PRKAG2: variants seen among roughly 807,000 people sequenced by gnomAD.
The protein encoded by PRKAG2 is 5'-AMP-activated protein kinase subunit gamma-2.
Under a neutral mutation model 69.6 loss-of-function variants are expected in PRKAG2, and 26 were observed. The observed-to-expected ratio is 0.37, with a 90% CI of 0.27 to 0.52. PRKAG2 has a LOEUF of 0.52. Ranked by LOEUF, PRKAG2 falls within the 20% of genes least tolerant of loss-of-function variation. The pLI, the probability that PRKAG2 is intolerant of heterozygous loss-of-function variation, is 0.90. For missense variants in PRKAG2, 557 were observed against 740.0 expected (o/e 0.75, Z 2.87); for synonymous variants, 293 against 285.0 (o/e 1.03, Z -0.28).
At chr7:151,773,062 G>GGAGGGAGA (rs2076145636) in intron 3 of PRKAG2, among the ~76,000 whole-genome samples, 1 of 49,592 alleles carries the variant, frequency 2.0e-5, no homozygotes, top group Non-Finnish European at 3.9e-5. Context: ...AGGGAGGGAG[G>GGAGGGAGA]GAGGGAGGGA....
At chr7:151,775,846 C>T (rs183757528) in intron 3 of PRKAG2, among the ~76,000 whole-genome samples, 24 of 152,238 alleles carry the variant, frequency 1.6e-4, no homozygotes, top group East Asian at 3.9e-4. Flanking sequence ...CCAGATGGGC[C>T]GATGGCATTA....
chr7:151,723,089 C>G (rs956530330), intron 3 of PRKAG2, among the ~76,000 whole-genome samples: 4 of 152,308 alleles, frequency 2.6e-5, no homozygotes, highest in African/African-American at 9.6e-5. Flanking sequence ...TCCACAGCCC[C>G]GGCTCTGAGA....
intron 1 of PRKAG2, among the ~76,000 whole-genome samples, chr7:151,863,522 A>G (rs1346048738): frequency 3.3e-5 from 5 of 152,064 alleles, no homozygotes; most frequent in Admixed American, 1.3e-4. Context: ...TTCACCACTG[A>G]GTGGCCAAAG....
At chr7:151,585,821 T>C (rs1000770501) in intron 6 of PRKAG2, among the ~76,000 whole-genome samples, 1 of 151,510 alleles carries the variant, frequency 6.6e-6, no homozygotes. Context: ...GAAGGCAGAG[T>C]GTATTTGGGA....
At chr7:151,656,449 G>A (rs757990024) in intron 4 of PRKAG2, among the ~76,000 whole-genome samples, 11 of 152,084 alleles carry the variant, frequency 7.2e-5, no homozygotes, top group African/African-American at 2.2e-4. Flanking sequence ...CCAGCTACTC[G>A]GGAGGCTGAG....
chr7:151,704,004 G>A (rs2151579429), intron 3 of PRKAG2, among the ~76,000 whole-genome samples: 1 of 152,084 alleles, frequency 6.6e-6, no homozygotes, highest in Middle Eastern at 3.4e-3. Context: ...GGAGGTTGCA[G>A]TGAGCCGAGA....
intron 1 of PRKAG2, among the ~76,000 whole-genome samples, chr7:151,823,448 T>C (rs1408597118): frequency 6.7e-6 from 1 of 149,654 alleles, no homozygotes; most frequent in African/African-American, 2.4e-5. Context: ...CTGTTGAATT[T>C]GGCCCCATTT....
At chr7:151,716,791 G>A (rs1222380698) in intron 3 of PRKAG2, among the ~76,000 whole-genome samples, 3 of 152,216 alleles carry the variant, frequency 2.0e-5, no homozygotes, top group Non-Finnish European at 2.9e-5. Flanking sequence ...CAGAAAGCAC[G>A]TAGGCCTGAG....
At chr7:151,672,598 C>T (rs1004610297) in intron 4 of PRKAG2, among the ~76,000 whole-genome samples, 1 of 151,834 alleles carries the variant, frequency 6.6e-6, no homozygotes, top group Non-Finnish European at 1.5e-5. Context: ...TTGGATGACT[C>T]TAGGGACTCC....
intron 3 of PRKAG2, among the ~76,000 whole-genome samples, chr7:151,739,987 C>T (rs536180691): frequency 6.6e-6 from 1 of 152,312 alleles, no homozygotes; most frequent in East Asian, 1.9e-4. Context: ...GTGAATGTCG[C>T]CCTTACCACA....
intron 1 of PRKAG2, among the ~76,000 whole-genome samples, chr7:151,802,817 A>G (rs1021827566): frequency 6.6e-6 from 1 of 152,040 alleles, no homozygotes; most frequent in Non-Finnish European, 1.5e-5. Context: ...CACCTGACCT[A>G]CACGCTGTCC....
Position 151,705,985 on chromosome 7 carries a change from T to C in PRKAG2, c.467-30348A>G, listed in dbSNP as rs539647341. On this transcript the variant is annotated intron_variant, in intron 3 of 15. Transcript: ENST00000287878. Reference sequence around the variant, plus strand: ...AGGGTAGAACTTCAAGCCAGGAGCCTGGGTCTCTTGAGTCTTGCTCATCAG... The same window carrying C: ...AGGGTAGAACTTCAAGCCAGGAGCCCGGGTCTCTTGAGTCTTGCTCATCAG... Among the ~76,000 whole-genome samples the C allele has an allele frequency of 4.6e-5, 7 of 152,154 alleles. No individual in the cohort carries two copies. The South Asian group carries it at 1.5e-3, about 32-fold the overall frequency.
At chr7:151,608,206 G>A (rs1442221617) in intron 5 of PRKAG2, among the ~76,000 whole-genome samples, 1 of 152,102 alleles carries the variant, frequency 6.6e-6, no homozygotes, top group Non-Finnish European at 1.5e-5. Context: ...GAGGACTTAG[G>A]AACCAACCCT....
chr7:151,722,638 G>T (rs1044812514), intron 3 of PRKAG2, among the ~76,000 whole-genome samples: 1 of 152,046 alleles, frequency 6.6e-6, no homozygotes, highest in Admixed American at 6.6e-5. Context: ...TGAGACTCCC[G>T]TGGGGACACA....
intron 4 of PRKAG2, among the ~76,000 whole-genome samples, chr7:151,643,285 T>G (rs1827051798): frequency 6.6e-6 from 1 of 152,244 alleles, no homozygotes; most frequent in Non-Finnish European, 1.5e-5. Context: ...CAATTCTTAA[T>G]GCAGCCAAGT....
chr7:151,800,572 G>A (rs2077788058), intron 1 of PRKAG2, among the ~76,000 whole-genome samples: 1 of 152,198 alleles, frequency 6.6e-6, no homozygotes, highest in Non-Finnish European at 1.5e-5. Flanking sequence ...CTGCCACCTG[G>A]TGGGTACAGC....
intron 4 of PRKAG2, among the ~76,000 whole-genome samples, chr7:151,649,955 T>C (rs1174942357): frequency 1.3e-5 from 2 of 152,162 alleles, no homozygotes; most frequent in Admixed American, 6.5e-5. Context: ...TAATTCTACA[T>C]ATCTGGAGGA....
intron 3 of PRKAG2, among the ~76,000 whole-genome samples, chr7:151,733,705 A>C (rs1396591222): frequency 1.4e-5 from 2 of 142,938 alleles, no homozygotes; most frequent in Non-Finnish European, 3.1e-5. Context: ...CACAGTCACC[A>C]TTTTTTTTTT....
At chr7:151,776,472 C>T (rs529080854) in intron 3 of PRKAG2, among the ~76,000 whole-genome samples, 1 of 152,214 alleles carries the variant, frequency 6.6e-6, no homozygotes, top group Non-Finnish European at 1.5e-5. Context: ...CCGAAAGGAG[C>T]CAGGAGTCAG....
Sources: gnomAD v4.1 joint callset for allele counts (sites outside exome capture counted in the v4.1 genomes callset) on GRCh38, gnomAD v4.1.1 for gene constraint, MANE v1.5 for transcripts, NCBI Gene and HGNC (gene_info 2026-07-23, HGNC 2026-07-21) for gene names.